ZEB2: variants seen among roughly 807,000 people sequenced by gnomAD.
The protein encoded by ZEB2 is zinc finger E-box binding homeobox 2.
ZEB2 carries 6 observed loss-of-function variants against 99.9 expected under a neutral mutation model. The observed-to-expected ratio is 0.06, with a 90% CI of 0.03 to 0.12. ZEB2 has a LOEUF of 0.12. Ranked by LOEUF, ZEB2 falls within the 10% of genes least tolerant of loss-of-function variation. The probability of loss-of-function intolerance (pLI) is 1.00; values close to 1 mark genes in which losing one functional copy is unlikely to be tolerated. For missense variants in ZEB2, 969 were observed against 1,502.8 expected (o/e 0.64, Z 5.87); for synonymous variants, 517 against 542.5 (o/e 0.95, Z 0.65).
At chr2:144,518,045 AAATAT>A (rs1357285490) in intron 1 of ZEB2, 1 of 221,238 alleles carries the variant, frequency 4.5e-6, no homozygotes, top group Non-Finnish European at 8.7e-6. Context: ...CCGCAATGAT[AAATAT>A]AATTATAAGC....
chr2:144,437,945 C>A (rs2149894429), intron 2 of ZEB2, among the ~76,000 whole-genome samples: 1 of 152,232 alleles, frequency 6.6e-6, no homozygotes, highest in Admixed American at 6.5e-5. Context: ...CCACCCTAAA[C>A]CTTGTCTGTA....
chr2:144,460,621 T>C (rs1310545599), intron 2 of ZEB2, among the ~76,000 whole-genome samples: 1 of 150,802 alleles, frequency 6.6e-6, no homozygotes, highest in Non-Finnish European at 1.5e-5. Context: ...GAGAGCACTG[T>C]TTTTTTTTAA....
chr2:144,415,671 G>A (rs369941886), intron 4 of ZEB2, among the ~76,000 whole-genome samples: 30 of 152,194 alleles, frequency 2.0e-4, no homozygotes, highest in South Asian at 1.7e-3. Flanking sequence ...TTCCTGTTTC[G>A]TCAACTCACT....
intron 4 of ZEB2, among the ~76,000 whole-genome samples, chr2:144,419,023 G>A (rs980046813): frequency 6.6e-6 from 1 of 152,078 alleles, no homozygotes; most frequent in Non-Finnish European, 1.5e-5. Flanking sequence ...AAATAAAAAT[G>A]TCATGCCATT....
rs1020348460 is a variant in ZEB2, at chr2:144,491,383, T to C, written c.73+25895A>G. ...AAAAAAAAAAAAAAAAACGACCTAATACTGTTAATGAAAAAAGGGGGCACA... is the reference window on the plus strand; with the variant it reads ...AAAAAAAAAAAAAAAAACGACCTAACACTGTTAATGAAAAAAGGGGGCACA... On this transcript the variant is annotated intron_variant, in intron 2 of 9. Coordinates refer to ENST00000627532, the MANE Select transcript of ZEB2 (RefSeq NM_014795.4). Among the ~76,000 whole-genome samples the C allele has an allele frequency of 5.4e-5, 8 of 148,458 alleles. No homozygotes were observed. The East Asian group carries it at 5.9e-4, about 11-fold the overall frequency.
chr2:144,501,999 T>C, intron 2 of ZEB2, among the ~76,000 whole-genome samples: 1 of 152,240 alleles, frequency 6.6e-6, no homozygotes, highest in East Asian at 1.9e-4. Flanking sequence ...TGGGAATTAT[T>C]TGGCATAAGT....
intron 2 of ZEB2, chr2:144,455,283 G>A (rs1482302395): frequency 6.6e-6 from 1 of 152,190 alleles, no homozygotes; most frequent in Non-Finnish European, 1.5e-5. Context: ...AACCGCTTTT[G>A]ATTCGTTCTG....
intron 2 of ZEB2, among the ~76,000 whole-genome samples, chr2:144,500,659 T>A (rs1308511513): frequency 6.6e-6 from 1 of 152,106 alleles, no homozygotes; most frequent in Non-Finnish European, 1.5e-5. Flanking sequence ...ATCAAAACAA[T>A]GGGCTTTCCA....
At chr2:144,435,759 C>T (rs10164806) in intron 2 of ZEB2, among the ~76,000 whole-genome samples, 10,315 of 152,088 alleles carry the variant, frequency 0.068, 403 homozygotes, top group Middle Eastern at 0.12. Context: ...TGGCAAGTGT[C>T]GGGAAGACCT....
At chr2:144,426,926 C>T (rs1404991113) in intron 3 of ZEB2, 3 of 152,066 alleles carry the variant, frequency 2.0e-5, no homozygotes, top group Admixed American at 1.3e-4. Context: ...AATCCATATT[C>T]AGAAGGACAT....
At chr2:144,476,360 AG>A (rs1704430115) in intron 2 of ZEB2, among the ~76,000 whole-genome samples, 1 of 152,154 alleles carries the variant, frequency 6.6e-6, no homozygotes, top group South Asian at 2.1e-4. Context: ...GTGGGCCTCA[AG>A]GGGTTAACAT....
chr2:144,470,000 C>G (rs1356172018), intron 2 of ZEB2, among the ~76,000 whole-genome samples: 1 of 152,178 alleles, frequency 6.6e-6, no homozygotes, highest in Admixed American at 6.6e-5. Context: ...TGCAAGCAAC[C>G]TGTGATGCAG....
At chr2:144,397,622 G>C (rs1330422310) in intron 8 of ZEB2, among the ~76,000 whole-genome samples, 1 of 152,040 alleles carries the variant, frequency 6.6e-6, no homozygotes. Context: ...ATACATTATT[G>C]CAAGTTGTGC....
At chr2:144,469,682 T>C (rs1011936393) in intron 2 of ZEB2, among the ~76,000 whole-genome samples, 2 of 152,190 alleles carry the variant, frequency 1.3e-5, no homozygotes, top group Non-Finnish European at 2.9e-5. Flanking sequence ...ATAGTGTAGC[T>C]CACTAAATTA....
intron 2 of ZEB2, among the ~76,000 whole-genome samples, chr2:144,443,092 A>T (rs1009371391): frequency 6.6e-6 from 1 of 152,160 alleles, no homozygotes; most frequent in Admixed American, 6.5e-5. Flanking sequence ...CTTGGGGAAA[A>T]GTAGGCTAAT....
chr2:144,517,828 T>TC (rs1171834230), intron 1 of ZEB2: 19 of 539,056 alleles, frequency 3.5e-5, no homozygotes, highest in Admixed American at 3.1e-4. Context: ...TCTTTTCTCA[T>TC]CCCCCCACCC....
intron 4 of ZEB2, among the ~76,000 whole-genome samples, chr2:144,414,189 T>C (rs1334849788): frequency 6.6e-6 from 1 of 152,196 alleles, no homozygotes; most frequent in Non-Finnish European, 1.5e-5. Flanking sequence ...CTAACTGGCA[T>C]TTCTGTTCAA....
chr2:144,420,664 G>A (rs1228179505), intron 4 of ZEB2, among the ~76,000 whole-genome samples: 1 of 152,166 alleles, frequency 6.6e-6, no homozygotes, highest in African/African-American at 2.4e-5. Flanking sequence ...GGGGTGTTCA[G>A]AGATGACCAC....
Position 144,404,864 on chromosome 2 carries a change from C to T in ZEB2, c.564G>A (p.Thr188=), listed in dbSNP as rs747482254. The T allele has an allele frequency of 4.9e-5, 79 of 1,613,936 alleles. No individual in the cohort carries two copies. The highest frequency in any genetic ancestry group is 5.8e-5 in the Non-Finnish European group (69 of 1,179,972). ...TTTCTTCTTGCCCATTGGCCTCTGGCGTGCCAAGGCGAGACAGCTCCTCAG... is the reference window on the plus strand; with the variant it reads ...TTTCTTCTTGCCCATTGGCCTCTGGTGTGCCAAGGCGAGACAGCTCCTCAG... ...EAPEELSRLG[T]PEANGQEEND... Residue 188 remains threonine, a synonymous_variant, in exon 5 of 10, where the codon ACG becomes ACA. Transcript: ENST00000627532.
Sources: allele counts gnomAD v4.1 joint callset (sites outside exome capture counted in the v4.1 genomes callset), GRCh38; gene constraint gnomAD v4.1.1; transcripts MANE v1.5; gene names NCBI Gene and HGNC (gene_info 2026-07-23, HGNC 2026-07-21).